The following ARSG variants were observed in gnomAD, a reference collection of about 807,000 sequenced individuals.
ARSG encodes the protein ASG.
Under a neutral mutation model 50.5 loss-of-function variants are expected in ARSG, and 37 were observed. That is an observed-to-expected ratio of 0.73 (90% CI 0.56 to 0.96). The LOEUF (loss-of-function observed/expected upper bound fraction) is 0.96. Among genes scored for constraint, ARSG ranks in the 50% least tolerant of loss-of-function variants. The pLI, the probability that ARSG is intolerant of heterozygous loss-of-function variation, is 0.00. For synonymous variants in ARSG, 225 were observed against 254.6 expected (o/e 0.88, Z 1.11); for missense variants, 629 against 675.3 (o/e 0.93, Z 0.76).
rs200385899 is a variant in ARSG, at chr17:68,292,799, A to AT, written c.-552+1233dup. Among the ~76,000 whole-genome samples, 45 of 152,256 alleles carry AT rather than the reference A, an allele frequency of 3.0e-4. 2 individuals are homozygous for AT. In the East Asian group the frequency reaches 8.5e-3, roughly 29 times the overall value. Reference sequence around the variant, plus strand: ...TTCTGGTTGTGTAAGTGGGGAGAAGATTCGTTGGTACAGGGTGCCTTGTAT... The same window carrying AT: ...TTCTGGTTGTGTAAGTGGGGAGAAGATTTCGTTGGTACAGGGTGCCTTGTAT... On this transcript the variant is annotated intron_variant, in intron 1 of 11. Coordinates refer to ENST00000621439, the MANE Select transcript of ARSG (RefSeq NM_001267727.2).
intron 1 of ARSG, among the ~76,000 whole-genome samples, chr17:68,295,899 C>T (rs868985224): frequency 3.3e-5 from 5 of 151,914 alleles, no homozygotes; most frequent in Admixed American, 6.6e-5. Flanking sequence ...AGGCTGGTCT[C>T]GAACTCCTGG....
upstream of ARSG, among the ~76,000 whole-genome samples, chr17:68,289,001 C>T (rs1294576717): frequency 1.3e-5 from 2 of 152,166 alleles, no homozygotes; most frequent in Non-Finnish European, 2.9e-5. Flanking sequence ...ACACAATCCA[C>T]GGGCAGTTTG....
At chr17:68,292,421 G>C (rs1251627402) in intron 1 of ARSG, among the ~76,000 whole-genome samples, 1 of 152,222 alleles carries the variant, frequency 6.6e-6, no homozygotes, top group Non-Finnish European at 1.5e-5. Context: ...TGGGGACAAA[G>C]CATGTGTCAG....
At chr17:68,308,487 T>C (rs1555765280) in intron 2 of ARSG, among the ~76,000 whole-genome samples, 1 of 152,062 alleles carries the variant, frequency 6.6e-6, no homozygotes, top group East Asian at 1.9e-4. Context: ...CTCGCTGGCT[T>C]CAGGAGTGAA....
chr17:68,297,020 A>G (rs1015148780), intron 1 of ARSG, among the ~76,000 whole-genome samples: 58 of 152,276 alleles, frequency 3.8e-4, no homozygotes, highest in Admixed American at 5.9e-4. Flanking sequence ...TTGACTGAAT[A>G]CCTTCTGGGC....
rs1212326503 is a variant in ARSG, at chr17:68,271,354, A to C, written c.-552+11928A>C. 6 of 1,614,282 alleles carry C rather than the reference A, an allele frequency of 3.7e-6. No homozygotes were observed. The highest frequency in any genetic ancestry group is 1.7e-5 in the Admixed American group (1 of 60,038). ...GCTTGGCCTGGGGCTGGTCTTCACC[A>C]GGACCTGCTGCATGTCGGCCTTCGG... On this transcript the variant is annotated intron_variant, in intron 1 of 11. Coordinates refer to the ARSG transcript ENST00000448504. This position sits in a 1 kb window ranked among gnomAD's most constrained non-coding sequence, Gnocchi z 5.3.
intron 2 of ARSG, among the ~76,000 whole-genome samples, chr17:68,311,831 T>C (rs575048994): frequency 6.6e-6 from 1 of 150,884 alleles, no homozygotes; most frequent in East Asian, 1.9e-4. Flanking sequence ...GACGGAGTCT[T>C]GCTCTGTCGC....
chr17:68,431,870 A>C, the ARSG span, among the ~76,000 whole-genome samples: 1 of 80,378 alleles, frequency 1.2e-5, no homozygotes, highest in Non-Finnish European at 2.6e-5. Flanking sequence ...TCAATCTCTG[A>C]TAATAATCCC....
At chr17:68,426,123 C>T, downstream of ARSG, 1 of 1,612,554 alleles carries the variant, frequency 6.2e-7, no homozygotes, top group Non-Finnish European at 8.5e-7. Context: ...CCGTCGCAAA[C>T]TCATGTTCAG....
chr17:68,426,253 G>GGGGGGGGGA, downstream of ARSG: 4 of 841,016 alleles, frequency 4.8e-6, no homozygotes, highest in South Asian at 1.3e-5. Flanking sequence ...GGGGAGCGGG[G>GGGGGGGGGA]GCTCAAATAA....
the ARSG span, chr17:68,444,538 T>C: frequency 6.2e-7 from 1 of 1,614,190 alleles, no homozygotes; most frequent in Non-Finnish European, 8.5e-7. Flanking sequence ...AACAGCTTCA[T>C]GTCTTTAATG....
At chr17:68,416,662 TTTC>T (rs1474071636) in intron 11 of ARSG, among the ~76,000 whole-genome samples, 2 of 152,192 alleles carry the variant, frequency 1.3e-5, no homozygotes. Context: ...TTGTTCATAT[TTTC>T]TTATTCTTTT....
chr17:68,308,453 C>T (rs541870075), intron 2 of ARSG, among the ~76,000 whole-genome samples: 28 of 152,066 alleles, frequency 1.8e-4, no homozygotes, highest in African/African-American at 6.3e-4. Flanking sequence ...TGGAGTTGTT[C>T]GTTCCTCCCG....
chr17:68,382,163 T>C (rs908856160), intron 8 of ARSG, among the ~76,000 whole-genome samples: 1 of 152,112 alleles, frequency 6.6e-6, no homozygotes, highest in African/African-American at 2.4e-5. Context: ...GTTAGGCTGG[T>C]CTCGAACTCC....
intron 6 of ARSG, among the ~76,000 whole-genome samples, chr17:68,362,853 A>G (rs982701588): frequency 6.6e-6 from 1 of 152,026 alleles, no homozygotes; most frequent in Non-Finnish European, 1.5e-5. Context: ...TCTCAATTAG[A>G]TGTTAAACTC....
chr17:68,259,785 G>GC (rs1555744898), intron 1 of ARSG, among the ~76,000 whole-genome samples: 1 of 152,140 alleles, frequency 6.6e-6, no homozygotes, highest in Non-Finnish European at 1.5e-5. Flanking sequence ...GTGCTCAACA[G>GC]CCCCATGTGG....
chr17:68,332,496 C>A (rs2077820664), intron 2 of ARSG, among the ~76,000 whole-genome samples: 1 of 152,120 alleles, frequency 6.6e-6, no homozygotes, highest in South Asian at 2.1e-4. Context: ...CATAGGAAAT[C>A]ACAAGAGTAT....
At chr17:68,321,258 TTCACTATTTGC>T (rs1449061239) in intron 2 of ARSG, among the ~76,000 whole-genome samples, 1 of 152,170 alleles carries the variant, frequency 6.6e-6, no homozygotes, top group Admixed American at 6.5e-5. Flanking sequence ...AGGCACCAAG[TTCACTATTTGC>T]TGCCACATTT....
chr17:68,289,182 C>CA (rs1328524258), upstream of ARSG, among the ~76,000 whole-genome samples: 34 of 152,060 alleles, frequency 2.2e-4, no homozygotes, highest in African/African-American at 7.7e-4. Context: ...TGTGTCTCTA[C>CA]AAAAAAATTA....
Sources: gnomAD v4.1 joint callset for allele counts (sites outside exome capture counted in the v4.1 genomes callset) on GRCh38, gnomAD v4.1.1 for gene constraint, Gnocchi (gnomAD v3.1) non-coding constraint, MANE v1.5 for transcripts, NCBI Gene and HGNC (gene_info 2026-07-23, HGNC 2026-07-21) for gene names.